RBMS2: variants seen among roughly 807,000 people sequenced by gnomAD.
The protein encoded by RBMS2 is RNA-binding motif, single-stranded-interacting protein 2.
RBMS2 carries 38 observed loss-of-function variants against 58.4 expected under a neutral mutation model. The observed-to-expected ratio is 0.65, with a 90% CI of 0.50 to 0.85. The LOEUF is 0.85. Ranked by LOEUF, RBMS2 falls within the 40% of genes least tolerant of loss-of-function variation. RBMS2 has a pLI of 0.00. For missense variants in RBMS2, 367 were observed against 503.7 expected (o/e 0.73, Z 2.60); for synonymous variants, 151 against 180.7 (o/e 0.84, Z 1.32).
At chr12:56,556,572 CA>C (rs1879275436) in intron 1 of RBMS2, among the ~76,000 whole-genome samples, 1 of 151,974 alleles carries the variant, frequency 6.6e-6, no homozygotes, top group Non-Finnish European at 1.5e-5. Context: ...GACAGGGTTT[CA>C]CAACGTTGGC....
At chr12:56,524,579 AT>A (rs1408777966) in intron 1 of RBMS2, among the ~76,000 whole-genome samples, 1 of 151,306 alleles carries the variant, frequency 6.6e-6, no homozygotes, top group Non-Finnish European at 1.5e-5. Context: ...CACCCGGACA[AT>A]TTTTTTGTGT....
chr12:56,575,557 A>C (rs1357159271), intron 5 of RBMS2, among the ~76,000 whole-genome samples: 17 of 145,660 alleles, frequency 1.2e-4, no homozygotes, highest in Non-Finnish European at 1.8e-4. Flanking sequence ...CCTTACCCCT[A>C]CACCCCCCCT....
At chr12:56,528,816 A>T (rs1000376278) in intron 1 of RBMS2, among the ~76,000 whole-genome samples, 37 of 152,060 alleles carry the variant, frequency 2.4e-4, no homozygotes, top group African/African-American at 8.7e-4. Flanking sequence ...AGTCCTAGCT[A>T]TTCATACTTG....
At chr12:56,530,175 T>A (rs1873443174) in intron 1 of RBMS2, among the ~76,000 whole-genome samples, 1 of 151,980 alleles carries the variant, frequency 6.6e-6, no homozygotes, top group South Asian at 2.1e-4. Flanking sequence ...CCCAGAGTGC[T>A]GGGATTACAG....
intron 1 of RBMS2, among the ~76,000 whole-genome samples, chr12:56,561,869 G>A (rs370372679): frequency 1.3e-5 from 2 of 151,294 alleles, no homozygotes; most frequent in African/African-American, 4.9e-5. Context: ...GTGCAGTGGC[G>A]CGATCTCAGC....
intron 2 of RBMS2, among the ~76,000 whole-genome samples, chr12:56,567,828 T>C (rs4547138): frequency 0.94 from 142,934 of 151,782 alleles, 67,721 homozygotes; most frequent in East Asian, 1. Flanking sequence ...CAGACCCTGA[T>C]GCACACACAC....
chr12:56,525,827 A>G (rs1243416668), intron 1 of RBMS2, among the ~76,000 whole-genome samples: 1 of 150,960 alleles, frequency 6.6e-6, no homozygotes, highest in Non-Finnish European at 1.5e-5. Context: ...ACGCCTGGCT[A>G]ATTTTTTATA....
At position 56,582,195 on chromosome 12, in the gene RBMS2, A is replaced by G. The variant is rs1419527663; in HGVS notation, c.873+43A>G. 33 of 1,502,358 alleles carry G rather than the reference A, an allele frequency of 2.2e-5. No homozygotes were observed. The East Asian group carries it at 7.5e-4, about 34-fold the overall frequency. The allele number at this position is 1,502,358 out of a possible 1,614,324, so 93.1% of individuals were successfully genotyped here. On this transcript the variant is annotated intron_variant, in intron 9 of 13. Coordinates refer to ENST00000262031, the MANE Select transcript of RBMS2 (RefSeq NM_002898.4). ...AAATGGTGTGGTGGTTTTCCCTACT[A>G]CTGTGCTTTAAGTGAAGTAATATAA...
chr12:56,520,674 T>C (rs1871642305), upstream of RBMS2, among the ~76,000 whole-genome samples: 4 of 152,196 alleles, frequency 2.6e-5, no homozygotes, highest in South Asian at 8.3e-4. Context: ...ACTCTGAAAT[T>C]TGTATTCCTT....
intron 4 of RBMS2, 44 bp downstream of exon 4, chr12:56,570,034 T>A: frequency 1.3e-6 from 2 of 1,540,166 alleles, no homozygotes; most frequent in Non-Finnish European, 1.8e-6. Context: ...GGGTTTGTGG[T>A]TAGCACCAAA....
chr12:56,530,602 C>A (rs970403826), intron 1 of RBMS2, among the ~76,000 whole-genome samples: 4 of 152,026 alleles, frequency 2.6e-5, no homozygotes, highest in Non-Finnish European at 4.4e-5. Flanking sequence ...TCAAGTGATT[C>A]TCCCACCTCA....
Position 56,590,847 on chromosome 12 carries a change from TG to T in RBMS2, c.*1715del, listed in dbSNP as rs1885255112. The T allele has an allele frequency of 6.6e-6, 1 of 152,190 alleles. No homozygotes were observed. The highest frequency in any genetic ancestry group is 1.5e-5 in the Non-Finnish European group (1 of 68,052). The allele number at this position is 152,190 out of a possible 1,614,324, so 9.4% of individuals were successfully genotyped here. A position where few individuals can be genotyped will look rare whatever the true frequency, so the allele number is the denominator to read the frequency against. On this transcript the variant is annotated 3_prime_UTR_variant, in exon 14 of 14. Transcript: ENST00000262031. ...CAGAGCAACCTGCCCTGCCCCGGTGTGCTTGGACCCTTTGCCCAGGGAACCA... is the reference window on the plus strand; with the variant it reads ...CAGAGCAACCTGCCCTGCCCCGGTGTCTTGGACCCTTTGCCCAGGGAACCA...
rs377504797 is a variant in RBMS2 at position 56,531,103 on chromosome 12, T to A, written c.66+9014T>A. On this transcript the variant is annotated intron_variant, in intron 1 of 13. Coordinates refer to ENST00000262031, the MANE Select transcript of RBMS2 (RefSeq NM_002898.4). ...GACTTTTTTCTGAACCCCCATAATGTTTTATGCTTCTTATATGGTGTTTAT... is the reference window on the plus strand; with the variant it reads ...GACTTTTTTCTGAACCCCCATAATGATTTATGCTTCTTATATGGTGTTTAT... Among the ~76,000 whole-genome samples, 28 of 152,298 alleles carry A rather than the reference T, an allele frequency of 1.8e-4. No homozygotes were observed. The East Asian group carries it at 1.9e-3, about 11-fold the overall frequency.
At chr12:56,570,609 G>A (rs1315191648) in intron 4 of RBMS2, among the ~76,000 whole-genome samples, 1 of 152,006 alleles carries the variant, frequency 6.6e-6, no homozygotes, top group Non-Finnish European at 1.5e-5. Context: ...ACAGCGTCTC[G>A]CTCTGTCGCC....
chr12:56,560,040 A>G (rs1880100781), intron 1 of RBMS2, among the ~76,000 whole-genome samples: 1 of 150,666 alleles, frequency 6.6e-6, no homozygotes, highest in Admixed American at 6.6e-5. Context: ...GATTACAGGC[A>G]TGTGCCACCA....
intron 1 of RBMS2, among the ~76,000 whole-genome samples, chr12:56,543,404 G>A (rs1229236896): frequency 7.4e-6 from 1 of 135,258 alleles, no homozygotes; most frequent in Non-Finnish European, 1.6e-5. Context: ...AGAATCACTT[G>A]AATCCAGGAG....
At chr12:56,521,323 G>A (rs772113685), upstream of RBMS2, among the ~76,000 whole-genome samples, 1 of 151,328 alleles carries the variant, frequency 6.6e-6, no homozygotes, top group East Asian at 1.9e-4. Flanking sequence ...CCAGCTACTC[G>A]AGAGGCTGAG....
intron 2 of RBMS2, among the ~76,000 whole-genome samples, chr12:56,568,091 T>C (rs1433631952): frequency 6.6e-6 from 1 of 152,164 alleles, no homozygotes; most frequent in Non-Finnish European, 1.5e-5. Flanking sequence ...CACCAAAAGG[T>C]TCAATGACTT....
rs1346969831 is a variant in RBMS2 at position 56,589,642 on chromosome 12, G to T, written c.*509G>T. 6.2e-6 allele frequency: 1 copy of T among 161,258 alleles called. No homozygotes were observed. The highest frequency in any genetic ancestry group is 1.4e-5 in the Non-Finnish European group (1 of 73,764). The allele number at this position is 161,258 out of a possible 1,614,324, so 10.0% of individuals were successfully genotyped here. A position where few individuals can be genotyped will look rare whatever the true frequency, so the allele number is the denominator to read the frequency against. On this transcript the variant is annotated 3_prime_UTR_variant, in exon 14 of 14. Transcript: ENST00000262031. ...TTAGTTATGGACTTTTTTGATGCAT[G>T]TGTGTATGTGTTTTAAAAAGTATGC...
Sources: gnomAD v4.1 joint callset for allele counts (sites outside exome capture counted in the v4.1 genomes callset) on GRCh38, gnomAD v4.1.1 for gene constraint, MANE v1.5 for transcripts, NCBI Gene and HGNC (gene_info 2026-07-23, HGNC 2026-07-21) for gene names.